PDE8B: variants seen among roughly 807,000 people sequenced by gnomAD.
PDE8B encodes high affinity cAMP-specific and IBMX-insensitive 3',5'-cyclic phosphodiesterase 8B.
In PDE8B, 26 loss-of-function variants were observed where a neutral mutation model predicts 101.3. That is an observed-to-expected ratio of 0.26 (90% CI 0.19 to 0.36). The LOEUF is 0.36. PDE8B is among the 10% of genes least tolerant of loss of function. PDE8B has a pLI of 1.00. For synonymous variants in PDE8B, 424 were observed against 429.3 expected, an observed-to-expected ratio of 0.99 and a Z score of 0.15; for missense variants, 810 against 1,163.1, an observed-to-expected ratio of 0.70 and a Z score of 4.42.
At chr5:77,141,159 GT>G in the PDE8B span, 2 of 152,090 alleles carry the variant, frequency 1.3e-5, no homozygotes, top group Non-Finnish European at 2.9e-5. Flanking sequence ...ATTGGTATAT[GT>G]TTGTTTTTAG....
At chr5:77,115,102 T>C in the PDE8B span, 2 of 152,224 alleles carry the variant, frequency 1.3e-5, no homozygotes, top group African/African-American at 4.8e-5. Flanking sequence ...ATATACCCCA[T>C]GTCTGCTTTC....
upstream of PDE8B, among the ~76,000 whole-genome samples, chr5:77,209,682 G>A (rs1364626426): frequency 6.6e-6 from 1 of 152,166 alleles, no homozygotes; most frequent in African/African-American, 2.4e-5. Context: ...AGGAGAATGA[G>A]GGAAGGCCTT....
intron 20 of PDE8B, among the ~76,000 whole-genome samples, chr5:77,423,437 A>G (rs1797118378): frequency 6.6e-6 from 1 of 152,092 alleles, no homozygotes; most frequent in Non-Finnish European, 1.5e-5. Flanking sequence ...GAAATCTCCG[A>G]ACTGCTTTCC....
Position 77,427,632 on chromosome 5 carries a change from G to GTATTTACT in PDE8B, c.*1078_*1079insTATTTACT, listed in dbSNP as rs1798380725. 4 of 152,102 alleles carry GTATTTACT rather than the reference G, an allele frequency of 2.6e-5. No homozygotes were observed. Among genetic ancestry groups the GTATTTACT allele is most frequent in the Non-Finnish European group, 4.4e-5 (3 of 68,026 alleles). The allele number at this position is 152,102 out of a possible 1,614,324, so 9.4% of individuals were successfully genotyped here. ...TGTGGTGTAAATATATCAGAAAATA[G>GTATTTACT]GCATATGGGGAGGCAGTAAATACTA... On this transcript the variant is annotated 3_prime_UTR_variant, in exon 22 of 22. Coordinates refer to ENST00000264917, the MANE Select transcript of PDE8B (RefSeq NM_003719.5).
At chr5:77,363,545 C>T (rs757733602) in intron 10 of PDE8B, among the ~76,000 whole-genome samples, 2 of 151,926 alleles carry the variant, frequency 1.3e-5, no homozygotes, top group African/African-American at 4.8e-5. Flanking sequence ...AAACCCATCT[C>T]TACTAAAAAT....
the PDE8B span, among the ~76,000 whole-genome samples, chr5:77,190,231 C>A: frequency 4.6e-5 from 7 of 152,150 alleles, no homozygotes; most frequent in African/African-American, 1.7e-4. Flanking sequence ...CCTGGAGGGG[C>A]AAACCTTCCA....
chr5:77,295,309 G>T (rs1442072136), intron 1 of PDE8B, among the ~76,000 whole-genome samples: 1 of 152,182 alleles, frequency 6.6e-6, no homozygotes, highest in Admixed American at 6.5e-5. Context: ...CCTTCTTGAG[G>T]AACCTTCTGA....
At chr5:77,307,198 C>T (rs960837759) in intron 1 of PDE8B, among the ~76,000 whole-genome samples, 2 of 152,136 alleles carry the variant, frequency 1.3e-5, no homozygotes, top group Admixed American at 6.5e-5. Context: ...CCAGCACCTT[C>T]GCTTTCCTGC....
At chr5:77,197,676 G>A in the PDE8B span, among the ~76,000 whole-genome samples, 4 of 128,654 alleles carry the variant, frequency 3.1e-5, no homozygotes, top group East Asian at 2.6e-4. Flanking sequence ...TCTGGCTAGC[G>A]GTCTATCAAT....
intron 6 of PDE8B, among the ~76,000 whole-genome samples, chr5:77,341,022 T>C (rs1273882936): frequency 6.6e-6 from 1 of 152,092 alleles, no homozygotes; most frequent in Non-Finnish European, 1.5e-5. Context: ...ACCTGAAGAA[T>C]AAAACATAAA....
intron 20 of PDE8B, among the ~76,000 whole-genome samples, chr5:77,424,011 T>TA (rs571609396): frequency 1.3e-5 from 2 of 152,042 alleles, no homozygotes; most frequent in Non-Finnish European, 2.9e-5. Flanking sequence ...TGAAATCCAG[T>TA]AAGTAGACTG....
intron 1 of PDE8B, among the ~76,000 whole-genome samples, chr5:77,258,005 G>A (rs900163090): frequency 5.9e-5 from 9 of 152,124 alleles, no homozygotes; most frequent in Admixed American, 4.6e-4. Flanking sequence ...GGAACCCAGA[G>A]CAGCCGGGTG....
chr5:77,364,838 C>T (rs60425280), intron 10 of PDE8B, among the ~76,000 whole-genome samples: 17,377 of 151,952 alleles, frequency 0.11, 1,839 homozygotes, highest in African/African-American at 0.29. Context: ...AACTATGGCA[C>T]GATGAAGAGA....
At chr5:77,346,090 G>A (rs1780103714) in intron 7 of PDE8B, among the ~76,000 whole-genome samples, 1 of 152,178 alleles carries the variant, frequency 6.6e-6, no homozygotes, top group African/African-American at 2.4e-5. Context: ...TCCAAGGAAA[G>A]CCTTAGTAAT....
At chr5:77,352,680 T>C (rs898700993) in intron 9 of PDE8B, among the ~76,000 whole-genome samples, 4 of 152,202 alleles carry the variant, frequency 2.6e-5, no homozygotes, top group African/African-American at 9.7e-5. Context: ...CACGGGCTTC[T>C]GGGGGCAAAA....
At chr5:77,304,488 A>T (rs1404816454) in intron 1 of PDE8B, among the ~76,000 whole-genome samples, 1 of 151,804 alleles carries the variant, frequency 6.6e-6, no homozygotes, top group East Asian at 1.9e-4. Flanking sequence ...TTTCTCTTTT[A>T]TTACAGTGCT....
intron 11 of PDE8B, among the ~76,000 whole-genome samples, chr5:77,400,650 G>A (rs1054699086): frequency 6.6e-6 from 1 of 152,182 alleles, no homozygotes; most frequent in Non-Finnish European, 1.5e-5. Context: ...ACCGTGTCCA[G>A]TCTCCCTTTT....
At chr5:77,276,574 G>T (rs767681970) in intron 1 of PDE8B, among the ~76,000 whole-genome samples, 1 of 152,076 alleles carries the variant, frequency 6.6e-6, no homozygotes, top group Admixed American at 6.6e-5. Flanking sequence ...TTCCTCATTC[G>T]TTCATGCCTT....
chr5:77,313,607 A>T (rs989857034), intron 2 of PDE8B, among the ~76,000 whole-genome samples: 1 of 152,234 alleles, frequency 6.6e-6, no homozygotes, highest in Admixed American at 6.5e-5. Context: ...ATTAATGCTC[A>T]TAAGGATGTC....
Sources: allele counts gnomAD v4.1 joint callset (sites outside exome capture counted in the v4.1 genomes callset), GRCh38; gene constraint gnomAD v4.1.1; transcripts MANE v1.5; gene names NCBI Gene and HGNC (gene_info 2026-07-23, HGNC 2026-07-21).